KCNH8: variants seen among roughly 807,000 people sequenced by gnomAD.
KCNH8 encodes potassium voltage-gated channel subfamily H member 8.
Under a neutral mutation model 103.6 loss-of-function variants are expected in KCNH8, and 70 were observed. That is an observed-to-expected ratio of 0.68 (90% CI 0.56 to 0.82). KCNH8 has a LOEUF of 0.82. Ranked by LOEUF, KCNH8 falls within the 40% of genes least tolerant of loss-of-function variation. The pLI is 0.00. For missense variants in KCNH8, 1,217 were observed against 1,329.9 expected, an observed-to-expected ratio of 0.92 and a Z score of 1.32; for synonymous variants, 498 against 489.4, an observed-to-expected ratio of 1.02 and a Z score of -0.23.
chr3:19,334,725 CT>C (rs1246311744), intron 3 of KCNH8, among the ~76,000 whole-genome samples: 1 of 148,716 alleles, frequency 6.7e-6, no homozygotes, highest in East Asian at 2.0e-4. Flanking sequence ...AAAAAAAAGC[CT>C]AGAACAAAGC....
At chr3:19,269,842 TG>T (rs2064563325) in intron 2 of KCNH8, among the ~76,000 whole-genome samples, 2 of 152,134 alleles carry the variant, frequency 1.3e-5, no homozygotes, top group African/African-American at 2.4e-5. Context: ...GTTAATTATA[TG>T]CTCAATATCA....
intron 1 of KCNH8, among the ~76,000 whole-genome samples, chr3:19,168,906 A>G (rs928466454): frequency 2.6e-5 from 4 of 152,156 alleles, no homozygotes; most frequent in African/African-American, 7.2e-5. Context: ...TTTTCAAACT[A>G]TCCTTCAGCA....
At chr3:19,349,585 G>C (rs2065772432) in intron 5 of KCNH8, among the ~76,000 whole-genome samples, 1 of 152,020 alleles carries the variant, frequency 6.6e-6, no homozygotes, top group Admixed American at 6.6e-5. Context: ...GTTATATCTT[G>C]AACTTTCCTT....
rs537658979 is a variant in KCNH8 at position 19,395,174 on chromosome 3, G to A, written c.1040G>A (p.Arg347His). The A allele has an allele frequency of 5.6e-6, 9 of 1,610,968 alleles. No homozygotes were observed. The highest frequency in any genetic ancestry group is 2.2e-5 in the South Asian group (2 of 90,662). ...TTGCGTCTGCTGCAGAAGTTAGACC[G>A]CTATTCCCAACACAGTACTATCGTC... ...RLLRLLQKLD[R>H]YSQHSTIVLT... Residue 347 changes from arginine to histidine, a missense_variant, in exon 7 of 16, where the codon CGC (arginine) becomes CAC (histidine). Coordinates refer to ENST00000328405, the MANE Select transcript of KCNH8 (RefSeq NM_144633.3).
intron 11 of KCNH8, among the ~76,000 whole-genome samples, chr3:19,496,256 C>T (rs2068439302): frequency 6.6e-6 from 1 of 152,190 alleles, no homozygotes. Context: ...TGATAGAGGG[C>T]ATCCCTGTCT....
In KCNH8 at chr3:19,347,713, C is replaced by T. The variant is rs1446694999; in HGVS notation, c.571-12C>T. 1 of 1,610,844 alleles carries T rather than the reference C, an allele frequency of 6.2e-7. No individual in the cohort carries two copies. Among genetic ancestry groups the T allele is most frequent in the Non-Finnish European group, 8.5e-7 (1 of 1,178,528 alleles). On this transcript the variant is annotated splice_polypyrimidine_tract_variant and intron_variant, in intron 4 of 15. Transcript: ENST00000328405. ...TGTTTCTCCTTTCTCTCCTTTTTGT[C>T]TTCATCCACAGAATGTTTTTGTAGA...
chr3:19,390,666 C>T (rs763412115), intron 6 of KCNH8, 28 bp downstream of exon 6: 2 of 1,582,750 alleles, frequency 1.3e-6, no homozygotes, highest in Non-Finnish European at 1.7e-6. Flanking sequence ...CGCCACATGG[C>T]CTTTAAGGTT....
intron 2 of KCNH8, among the ~76,000 whole-genome samples, chr3:19,265,428 G>A (rs868627956): frequency 2.0e-5 from 3 of 152,032 alleles, no homozygotes; most frequent in South Asian, 2.1e-4. Context: ...TGCACAGACC[G>A]CATGCCCATG....
intron 3 of KCNH8, among the ~76,000 whole-genome samples, chr3:19,298,738 T>C (rs1053614033): frequency 5.9e-5 from 9 of 151,574 alleles, no homozygotes; most frequent in Non-Finnish European, 8.8e-5. Context: ...CTGGCTAACA[T>C]GGTGAAACCC....
At chr3:19,497,234 C>A (rs185849978) in intron 11 of KCNH8, among the ~76,000 whole-genome samples, 55 of 152,156 alleles carry the variant, frequency 3.6e-4, no homozygotes, top group African/African-American at 1.3e-3. Flanking sequence ...TTTTTCATGT[C>A]TTAATATCCT....
chr3:19,261,360 C>T (rs897254214), intron 2 of KCNH8, among the ~76,000 whole-genome samples: 11 of 151,806 alleles, frequency 7.2e-5, no homozygotes, highest in Non-Finnish European at 1.2e-4. Context: ...TGATGTGGAA[C>T]ACCATTTTAT....
chr3:19,487,977 C>G (rs753278475), intron 11 of KCNH8, among the ~76,000 whole-genome samples: 15 of 152,170 alleles, frequency 9.9e-5, no homozygotes, highest in Non-Finnish European at 1.9e-4. Context: ...GGGGTGGTCA[C>G]TACTGAATGT....
At chr3:19,441,498 G>C (rs2067283875) in intron 8 of KCNH8, among the ~76,000 whole-genome samples, 1 of 152,146 alleles carries the variant, frequency 6.6e-6, no homozygotes, top group South Asian at 2.1e-4. Flanking sequence ...AAAGTATGGA[G>C]AATTAAAGTA....
At chr3:19,456,700 G>C in intron 10 of KCNH8, 68 bp from the exon 11 acceptor site, 1 of 1,009,028 alleles carries the variant, frequency 9.9e-7, no homozygotes. Flanking sequence ...AAGCCTGTAA[G>C]TCAAATGAGG....
At chr3:19,492,816 A>T (rs1359466920) in intron 11 of KCNH8, among the ~76,000 whole-genome samples, 2 of 144,852 alleles carry the variant, frequency 1.4e-5, no homozygotes, top group African/African-American at 5.1e-5. Flanking sequence ...GTCCTTGAGC[A>T]TGGAATGTTT....
chr3:19,344,816 C>T (rs1041934085), intron 4 of KCNH8, among the ~76,000 whole-genome samples: 4 of 152,096 alleles, frequency 2.6e-5, no homozygotes, highest in Non-Finnish European at 5.9e-5. Context: ...CTTTTACTTA[C>T]ATCATATTAT....
chr3:19,495,624 G>C, intron 11 of KCNH8, among the ~76,000 whole-genome samples: 1 of 152,168 alleles, frequency 6.6e-6, no homozygotes, highest in East Asian at 1.9e-4. Flanking sequence ...AATATAGCTT[G>C]AAGTCAGGTA....
At chr3:19,462,365 T>C (rs1291317013) in intron 11 of KCNH8, among the ~76,000 whole-genome samples, 1 of 152,208 alleles carries the variant, frequency 6.6e-6, no homozygotes, top group Non-Finnish European at 1.5e-5. Context: ...CTCATTGTGG[T>C]TTTGATTTGC....
chr3:19,171,422 T>A (rs2063347557), intron 1 of KCNH8, among the ~76,000 whole-genome samples: 1 of 152,182 alleles, frequency 6.6e-6, no homozygotes, highest in South Asian at 2.1e-4. Flanking sequence ...TGACTAGAGG[T>A]ATAAAAACTA....
Sources: allele counts gnomAD v4.1 joint callset (sites outside exome capture counted in the v4.1 genomes callset), GRCh38; gene constraint gnomAD v4.1.1; transcripts MANE v1.5; gene names NCBI Gene and HGNC (gene_info 2026-07-23, HGNC 2026-07-21).